The following SLC44A3 variants were observed in gnomAD, a reference collection of about 807,000 sequenced individuals.
The protein encoded by SLC44A3 is solute carrier family 44 member 3.
Under a neutral mutation model 75.4 loss-of-function variants are expected in SLC44A3, and 74 were observed. That is an observed-to-expected ratio of 0.98 (90% CI 0.81 to 1.19). SLC44A3 has a LOEUF of 1.19. SLC44A3 is among the 50% of genes most tolerant of loss of function. SLC44A3 has a pLI of 0.00. For synonymous variants in SLC44A3, 310 were observed against 296.9 expected, an observed-to-expected ratio of 1.04 and a Z score of -0.45; for missense variants, 700 against 778.6, an observed-to-expected ratio of 0.90 and a Z score of 1.20.
At chr1:94,875,140 G>T (rs771234923) in intron 12 of SLC44A3, among the ~76,000 whole-genome samples, 39 of 152,264 alleles carry the variant, frequency 2.6e-4, no homozygotes, top group Non-Finnish European at 5.0e-4. Context: ...AAGAGAATGA[G>T]GAAGGGCCTG....
chr1:94,838,492 T>C (rs1663121590), intron 6 of SLC44A3, among the ~76,000 whole-genome samples: 2 of 152,230 alleles, frequency 1.3e-5, no homozygotes. Flanking sequence ...ACTTTCTCTT[T>C]GAACAGGTGA....
At chr1:94,875,632 AGG>A (rs386633597) in intron 12 of SLC44A3, among the ~76,000 whole-genome samples, 7 of 12,702 alleles carry the variant, frequency 5.5e-4, no homozygotes, top group Non-Finnish European at 2.4e-3. Flanking sequence ...GGCAATATGG[AGG>A]AGGCCATGCT....
chr1:94,871,638 T>C (rs928146237), intron 12 of SLC44A3, among the ~76,000 whole-genome samples: 1 of 152,232 alleles, frequency 6.6e-6, no homozygotes, highest in African/African-American at 2.4e-5. Flanking sequence ...TAGGTCAATG[T>C]TCCTCTAAGT....
chr1:94,839,236 A>T (rs780558839), intron 6 of SLC44A3, among the ~76,000 whole-genome samples: 1 of 152,214 alleles, frequency 6.6e-6, no homozygotes, highest in Non-Finnish European at 1.5e-5. Context: ...ATTTAATAAG[A>T]GTACCTTAGA....
At chr1:94,841,938 G>A in intron 7 of SLC44A3, 62 bp from the exon 8 acceptor site, 1 of 1,535,590 alleles carries the variant, frequency 6.5e-7, no homozygotes, top group Admixed American at 2.1e-5. Context: ...GTGATTCTGT[G>A]TGCTGGGGAA....
intron 14 of SLC44A3, among the ~76,000 whole-genome samples, chr1:94,894,019 C>T (rs760372892): frequency 6.6e-6 from 1 of 151,952 alleles, no homozygotes; most frequent in Non-Finnish European, 1.5e-5. Flanking sequence ...CGCTTGAACC[C>T]GGGAGGTGGA....
At chr1:94,894,422 C>A (rs1670554931) in intron 14 of SLC44A3, among the ~76,000 whole-genome samples, 1 of 152,152 alleles carries the variant, frequency 6.6e-6, no homozygotes, top group South Asian at 2.1e-4. Flanking sequence ...ATTAACTGGA[C>A]TTATATAGCA....
At chr1:94,820,901 A>G (rs1380820408) in intron 1 of SLC44A3, 48 bp from the exon 2 acceptor site, 4 of 1,508,576 alleles carry the variant, frequency 2.7e-6, no homozygotes, top group Admixed American at 2.0e-5. Context: ...TTCCAGGTTG[A>G]GTCCACCTGT....
rs556740706 is a variant in SLC44A3 at position 94,821,478 on chromosome 1, A to G, written c.135+422A>G. Among the ~76,000 whole-genome samples, 881 of 152,314 alleles carry G rather than the reference A, an allele frequency of 5.8e-3. 2 individuals carry two copies. The highest frequency in any genetic ancestry group is 9.3e-3 in the Non-Finnish European group (636 of 68,026). Reference sequence around the variant, plus strand: ...TAAACTGCATTTCCTTTAGCTGAACATCACACACACACGCGCGCGAGAGAT... The same window carrying G: ...TAAACTGCATTTCCTTTAGCTGAACGTCACACACACACGCGCGCGAGAGAT... On this transcript the variant is annotated intron_variant, in intron 2 of 14. Transcript: ENST00000271227.
chr1:94,840,351 G>A lies in SLC44A3; in HGVS notation c.760+314G>A, dbSNP rs567936848. ...GTTGCCCAGGCTGGAGTGCAATGGC[G>A]CGAACGCAGCTCACTATAGCCTCAA... is the stretch of plus-strand genomic sequence containing the variant. On this transcript the variant is annotated intron_variant, in intron 7 of 14. Transcript: ENST00000271227. Among the ~76,000 whole-genome samples, 28 of 136,160 alleles carry A rather than the reference G, an allele frequency of 2.1e-4. No individual in the cohort carries two copies. In the East Asian group the frequency reaches 5.8e-3, roughly 28 times the overall value. 89.3% of individuals were successfully genotyped at this position (136,160 alleles called of 152,430 possible). A position where few individuals can be genotyped will look rare whatever the true frequency, so the allele number is the denominator to read the frequency against.
chr1:94,891,416 GT>G, intron 13 of SLC44A3, 149 bp downstream of exon 13: 1 of 861,344 alleles, frequency 1.2e-6, no homozygotes, highest in East Asian at 2.6e-5. Flanking sequence ...ATCCCATGAG[GT>G]ATCCCTACTT....
chr1:94,863,569 AGT>A (rs1186996086), intron 10 of SLC44A3, among the ~76,000 whole-genome samples: 2 of 152,168 alleles, frequency 1.3e-5, no homozygotes, highest in Non-Finnish European at 2.9e-5. Context: ...GGGAAAAAAA[AGT>A]GTGTCAGATT....
chr1:94,857,545 T>A, intron 10 of SLC44A3, 45 bp downstream of exon 10: 1 of 1,526,316 alleles, frequency 6.6e-7, no homozygotes, highest in Non-Finnish European at 8.8e-7. Flanking sequence ...ATGTGGTTTA[T>A]CTATGTGCTT....
At chr1:94,875,045 A>G (rs1668132410) in intron 12 of SLC44A3, among the ~76,000 whole-genome samples, 1 of 152,172 alleles carries the variant, frequency 6.6e-6, no homozygotes, top group African/African-American at 2.4e-5. Flanking sequence ...AGAATGACCA[A>G]CCCACCTTTT....
chr1:94,872,300 C>T (rs1667843592), intron 12 of SLC44A3, among the ~76,000 whole-genome samples: 1 of 152,040 alleles, frequency 6.6e-6, no homozygotes, highest in Admixed American at 6.6e-5. Flanking sequence ...GGGGTTTCTC[C>T]ATGTTGGCTG....
In SLC44A3 at chr1:94,845,276, A is replaced by G. The variant is rs889624142; in HGVS notation, c.886-2A>G. On this transcript the variant is annotated splice_acceptor_variant, in intron 8 of 14. Coordinates refer to ENST00000271227, the MANE Select transcript of SLC44A3 (RefSeq NM_001114106.3). LOFTEE classifies it high-confidence loss of function. Reference sequence around the variant, plus strand: ...AATTTACTCAAATCCCTTTCTCACCAGGCAGTGCTGCTCGTCTTGATTTTT... The same window carrying G: ...AATTTACTCAAATCCCTTTCTCACCGGGCAGTGCTGCTCGTCTTGATTTTT... 3.7e-6 allele frequency: 6 copies of G among 1,602,266 alleles called. No homozygotes were observed. Among genetic ancestry groups the G allele is most frequent in the Non-Finnish European group, 5.1e-6 (6 of 1,174,144 alleles).
intron 12 of SLC44A3, among the ~76,000 whole-genome samples, chr1:94,873,263 C>T (rs985951997): frequency 6.6e-6 from 1 of 152,208 alleles, no homozygotes; most frequent in Non-Finnish European, 1.5e-5. Context: ...GACCCCGATG[C>T]ACCTTGATGC....
chr1:94,859,061 G>A (rs1666255355), intron 10 of SLC44A3, among the ~76,000 whole-genome samples: 1 of 152,174 alleles, frequency 6.6e-6, no homozygotes, highest in Non-Finnish European at 1.5e-5. Flanking sequence ...AGGACTCACA[G>A]AGGGGCTGTT....
chr1:94,828,641 G>A, intron 5 of SLC44A3, 55 bp downstream of exon 5: 2 of 1,468,970 alleles, frequency 1.4e-6, no homozygotes, highest in South Asian at 2.3e-5. Context: ...TGGGTACTTG[G>A]TGTGCATCTG....
Sources: gnomAD v4.1 joint callset for allele counts (sites outside exome capture counted in the v4.1 genomes callset) on GRCh38, gnomAD v4.1.1 for gene constraint, MANE v1.5 for transcripts, NCBI Gene and HGNC (gene_info 2026-07-23, HGNC 2026-07-21) for gene names.